Variants in TOX3 observed in about 807,000 individuals in gnomAD.
The protein encoded by TOX3 is CAG trinucleotide repeat-containing gene F9 protein.
TOX3 carries 22 observed loss-of-function variants against 64.3 expected under a neutral mutation model. That is an observed-to-expected ratio of 0.34 (90% CI 0.24 to 0.49). TOX3 has a LOEUF of 0.49. Among genes scored for constraint, TOX3 ranks in the 20% least tolerant of loss-of-function variants. The pLI, the probability that TOX3 is intolerant of heterozygous loss-of-function variation, is 0.99. For missense variants in TOX3, 661 were observed against 714.4 expected (o/e 0.93, Z 0.85); for synonymous variants, 291 against 273.6 (o/e 1.06, Z -0.63).
At chr16:52,449,605 T>A (rs1438138608) in intron 4 of TOX3, among the ~76,000 whole-genome samples, 1 of 152,256 alleles carries the variant, frequency 6.6e-6, no homozygotes, top group Non-Finnish European at 1.5e-5. Flanking sequence ...CTCTTATAAA[T>A]CTTTGTATCA....
chr16:52,519,596 A>T, intron 1 of TOX3: 2 of 1,423,880 alleles, frequency 1.4e-6, no homozygotes, highest in Non-Finnish European at 1.8e-6. Context: ...AGACGAAAAA[A>T]AAAACAACAT....
intron 6 of TOX3, among the ~76,000 whole-genome samples, chr16:52,443,118 A>G (rs895230548): frequency 6.6e-6 from 1 of 152,226 alleles, no homozygotes; most frequent in East Asian, 1.9e-4. Flanking sequence ...TCACTTAAGA[A>G]GTACATGCAC....
At chr16:52,466,607 C>T (rs1348007186) in intron 2 of TOX3, among the ~76,000 whole-genome samples, 1 of 152,114 alleles carries the variant, frequency 6.6e-6, no homozygotes, top group Non-Finnish European at 1.5e-5. Flanking sequence ...CCAAAACTAA[C>T]ATAAAACATG....
rs568437917 is a variant in TOX3, at chr16:52,468,537, G to T, written c.125C>A (p.Ala42Glu). Residue 42 changes from alanine (A) to glutamate (E), a missense_variant, in exon 2 of 7, where the codon GCG (alanine) becomes GAG (glutamate). Transcript: ENST00000219746. The part of the protein sequence containing the change: ...NNNNYMNMAE[A>E]NNAFFAASEQ... The stretch of plus-strand genomic sequence containing the variant: ...ACTGGCAGCGAAGAACGCATTGTTC[G>T]CCTCAGCCATATTCATATAGTTATT... The T allele has an allele frequency of 6.2e-7, 1 of 1,612,910 alleles. No homozygotes were observed. The highest frequency in any genetic ancestry group is 1.3e-5 in the African/African-American group (1 of 74,944).
intron 4 of TOX3, among the ~76,000 whole-genome samples, chr16:52,447,035 C>T (rs898589971): frequency 2.0e-5 from 3 of 152,120 alleles, no homozygotes; most frequent in African/African-American, 7.2e-5. Flanking sequence ...ACACATTGAC[C>T]ATATGAACTC....
intron 4 of TOX3, among the ~76,000 whole-genome samples, chr16:52,446,460 C>T (rs1159938670): frequency 1.3e-5 from 2 of 152,014 alleles, no homozygotes; most frequent in Non-Finnish European, 2.9e-5. Context: ...AACATATGCT[C>T]GAAATAGCAA....
chr16:52,540,677 T>C (rs1963058775), intron 1 of TOX3, among the ~76,000 whole-genome samples: 1 of 152,146 alleles, frequency 6.6e-6, no homozygotes, highest in Admixed American at 6.5e-5. Flanking sequence ...TGCCAAGAGA[T>C]GTACAGGAAG....
At chr16:52,474,875 C>T (rs1163778995) in intron 1 of TOX3, among the ~76,000 whole-genome samples, 1 of 152,108 alleles carries the variant, frequency 6.6e-6, no homozygotes, top group Non-Finnish European at 1.5e-5. Flanking sequence ...TTCTTCTTAC[C>T]TTTTGGCCAT....
chr16:52,506,941 C>A (rs1962176917), intron 1 of TOX3, among the ~76,000 whole-genome samples: 1 of 152,144 alleles, frequency 6.6e-6, no homozygotes, highest in Non-Finnish European at 1.5e-5. Flanking sequence ...TAGCTGGAAA[C>A]CCTGATTAGA....
intron 1 of TOX3, among the ~76,000 whole-genome samples, chr16:52,485,210 G>T (rs939489436): frequency 7.1e-6 from 1 of 140,004 alleles, no homozygotes; most frequent in South Asian, 2.3e-4. Flanking sequence ...GTATATGTGT[G>T]TGTGTATATA....
At chr16:52,533,200 A>G (rs1446287195) in intron 1 of TOX3, among the ~76,000 whole-genome samples, 1 of 152,196 alleles carries the variant, frequency 6.6e-6, no homozygotes, top group African/African-American at 2.4e-5. Flanking sequence ...CTAGGACCCT[A>G]CAATCACAAG....
At chr16:52,444,190 G>A (rs1014610615) in intron 6 of TOX3, 86 bp downstream of exon 6, 5 of 1,003,058 alleles carry the variant, frequency 5.0e-6, no homozygotes, top group South Asian at 2.3e-5. Context: ...AACTTTTAGG[G>A]GAGCTACAAG....
Position 52,463,546 on chromosome 16 carries a change from A to G in TOX3, c.408+388T>C, listed in dbSNP as rs1311833697. ...TAAATCGTGTATCGTAAGCATTATAATACTAAAAACTCAAAAGACTTAGGC... is the reference window on the plus strand; with the variant it reads ...TAAATCGTGTATCGTAAGCATTATAGTACTAAAAACTCAAAAGACTTAGGC... On this transcript the variant is annotated intron_variant, in intron 3 of 6. Transcript: ENST00000219746. Among the ~76,000 whole-genome samples the G allele has an allele frequency of 2.6e-5, 4 of 152,354 alleles. No homozygotes were observed. In the East Asian group the frequency reaches 7.7e-4, roughly 29 times the overall value.
chr16:52,445,154 A>G (rs991610246), intron 5 of TOX3: 2 of 152,218 alleles, frequency 1.3e-5, no homozygotes, highest in Admixed American at 1.3e-4. Flanking sequence ...CTAAAAAGAA[A>G]TTTCTAATGT....
intron 1 of TOX3, among the ~76,000 whole-genome samples, chr16:52,520,009 A>AAGAAAT (rs974667064): frequency 2.0e-5 from 3 of 151,638 alleles, no homozygotes; most frequent in African/African-American, 7.3e-5. Flanking sequence ...GAAGAAGGAG[A>AAGAAAT]AGAAATAGTA....
At chr16:52,508,103 C>G (rs1280677987) in intron 1 of TOX3, among the ~76,000 whole-genome samples, 1 of 152,154 alleles carries the variant, frequency 6.6e-6, no homozygotes, top group Non-Finnish European at 1.5e-5. Context: ...CTGTAAGTTT[C>G]CATTGTATAA....
chr16:52,466,828 T>C (rs1381582392), intron 2 of TOX3, among the ~76,000 whole-genome samples: 1 of 152,122 alleles, frequency 6.6e-6, no homozygotes, highest in Non-Finnish European at 1.5e-5. Context: ...GCAGGTAATA[T>C]ATTAAAATTA....
At chr16:52,497,879 G>GA (rs573209569) in intron 1 of TOX3, among the ~76,000 whole-genome samples, 99 of 152,072 alleles carry the variant, frequency 6.5e-4, no homozygotes, top group East Asian at 1.9e-3. Flanking sequence ...AAGATATAAA[G>GA]AAAAAATCAA....
rs67145443 is a variant in TOX3 at position 52,437,789 on chromosome 16, T to TAA, written c.*1434_*1435dup. ...CTATACTTACCTTGTACTTGCATCT[T>TAA]AAAAAAAAAAAAAAAAAAAAAAAAG... On this transcript the variant is annotated 3_prime_UTR_variant, in exon 7 of 7. Transcript: ENST00000219746. Among the ~76,000 whole-genome samples, 3 of 111,366 alleles carry TAA rather than the reference T, an allele frequency of 2.7e-5. No individual in the cohort carries two copies. Among genetic ancestry groups the TAA allele is most frequent in the Non-Finnish European group, 3.7e-5 (2 of 54,782 alleles). The allele number at this position is 111,366 out of a possible 152,430, so 73.1% of individuals were successfully genotyped here.
Sources: gnomAD v4.1 joint callset for allele counts (sites outside exome capture counted in the v4.1 genomes callset) on GRCh38, gnomAD v4.1.1 for gene constraint, MANE v1.5 for transcripts, NCBI Gene and HGNC (gene_info 2026-07-23, HGNC 2026-07-21) for gene names.